The following UNC13C variants were observed in gnomAD, a reference collection of about 807,000 sequenced individuals.
UNC13C encodes the protein unc-13 homolog C, also known as protein unc-13 homolog C.
UNC13C carries 174 observed loss-of-function variants against 245.4 expected under a neutral mutation model. That is an observed-to-expected ratio of 0.71 (90% confidence interval 0.63 to 0.80). The LOEUF (loss-of-function observed/expected upper bound fraction) is 0.80. UNC13C is among the 30% of genes least tolerant of loss of function. UNC13C has a pLI of 0.00. For missense variants in UNC13C, 2,829 were observed against 2,602.9 expected (o/e 1.09, Z -1.89); for synonymous variants, 992 against 895.1 (o/e 1.11, Z -1.93).
intron 2 of UNC13C, among the ~76,000 whole-genome samples, chr15:54,132,074 C>CTTTTTTTTTCTTTTTCTTTTTCTTTCT: frequency 9.0e-6 from 1 of 110,646 alleles, no homozygotes; most frequent in Non-Finnish European, 2.0e-5. Context: ...TTTTCTTTTT[C>CTTTTTTTTTCTTTTTCTTTTTCTTTCT]TTTTTTTTTT....
intron 19 of UNC13C, among the ~76,000 whole-genome samples, chr15:54,482,784 A>G (rs970273180): frequency 2.8e-4 from 43 of 152,310 alleles, no homozygotes; most frequent in African/African-American, 1.0e-3. Flanking sequence ...CTAATGGGAA[A>G]AGCAGTGTAT....
intron 2 of UNC13C, among the ~76,000 whole-genome samples, chr15:54,086,737 C>CTTTTT (rs57209912): frequency 2.2e-5 from 2 of 92,008 alleles, no homozygotes; most frequent in Admixed American, 1.4e-4. Flanking sequence ...TATTTTCTTT[C>CTTTTT]TTTTTTTTTT....
At chr15:53,931,646 T>C in the UNC13C span, among the ~76,000 whole-genome samples, 1 of 152,146 alleles carries the variant, frequency 6.6e-6, no homozygotes, top group Non-Finnish European at 1.5e-5. Context: ...ATGCCTAGTC[T>C]AAGCTTTAAA....
At chr15:53,864,997 C>T in the UNC13C span, among the ~76,000 whole-genome samples, 19 of 152,230 alleles carry the variant, frequency 1.2e-4, no homozygotes, top group East Asian at 2.1e-3. Flanking sequence ...CTACCAACCT[C>T]AATTTGTTCA....
chr15:54,077,013 G>A (rs1358514487), intron 2 of UNC13C, among the ~76,000 whole-genome samples: 1 of 152,158 alleles, frequency 6.6e-6, no homozygotes, highest in Non-Finnish European at 1.5e-5. Context: ...GTATCTGAGA[G>A]ATGAGTAGCT....
intron 2 of UNC13C, among the ~76,000 whole-genome samples, chr15:54,115,527 T>C (rs2141183423): frequency 6.6e-6 from 1 of 152,228 alleles, no homozygotes; most frequent in South Asian, 2.1e-4. Context: ...TCGAGGTACA[T>C]ATTTTGGGGG....
intron 2 of UNC13C, among the ~76,000 whole-genome samples, chr15:54,031,812 A>G (rs1181787545): frequency 6.6e-6 from 1 of 152,248 alleles, no homozygotes; most frequent in Non-Finnish European, 1.5e-5. Context: ...AATTAAGCAT[A>G]ATTATAGTCA....
the UNC13C span, among the ~76,000 whole-genome samples, chr15:53,904,520 G>A: frequency 3.0e-4 from 46 of 152,148 alleles, no homozygotes; most frequent in Non-Finnish European, 5.6e-4. Flanking sequence ...GTTTGCCGAA[G>A]TAACTCTTTT....
chr15:54,337,154 AG>A (rs1162876121), intron 16 of UNC13C, among the ~76,000 whole-genome samples: 2 of 152,292 alleles, frequency 1.3e-5, no homozygotes, highest in Admixed American at 1.3e-4. Context: ...TTTTGGGAGC[AG>A]GGTGGGGGGT....
intron 11 of UNC13C, among the ~76,000 whole-genome samples, chr15:54,294,428 T>C (rs1468297605): frequency 6.6e-6 from 1 of 152,134 alleles, no homozygotes; most frequent in African/African-American, 2.4e-5. Flanking sequence ...TTCCTTCTTG[T>C]CCATTAATGA....
At chr15:54,208,188 GC>G (rs1419627070) in intron 4 of UNC13C, among the ~76,000 whole-genome samples, 1 of 151,986 alleles carries the variant, frequency 6.6e-6, no homozygotes, top group Non-Finnish European at 1.5e-5. Context: ...TAAACAACCA[GC>G]TCACATGAAC....
intron 2 of UNC13C, among the ~76,000 whole-genome samples, chr15:54,137,810 C>T (rs1016715368): frequency 2.0e-5 from 3 of 151,868 alleles, no homozygotes; most frequent in Non-Finnish European, 2.9e-5. Flanking sequence ...TCATTGTAGT[C>T]TCTATTTCAT....
chr15:54,129,356 C>T, intron 2 of UNC13C, among the ~76,000 whole-genome samples: 1 of 152,146 alleles, frequency 6.6e-6, no homozygotes, highest in East Asian at 1.9e-4. Context: ...ACTTTCTTTT[C>T]TGATTTCAGT....
intron 18 of UNC13C, among the ~76,000 whole-genome samples, chr15:54,397,023 A>T (rs2040084265): frequency 2.6e-5 from 4 of 151,320 alleles, no homozygotes; most frequent in African/African-American, 9.7e-5. Flanking sequence ...CGCATTTTTA[A>T]AAAAATTTTG....
At chr15:53,859,788 C>A in the UNC13C span, among the ~76,000 whole-genome samples, 1 of 152,158 alleles carries the variant, frequency 6.6e-6, no homozygotes, top group Non-Finnish European at 1.5e-5. Context: ...CTTGGCTCCA[C>A]GTCTCATTTC....
intron 2 of UNC13C, among the ~76,000 whole-genome samples, chr15:54,085,497 A>T (rs1469806060): frequency 6.6e-6 from 1 of 152,082 alleles, no homozygotes; most frequent in Admixed American, 6.6e-5. Context: ...CATAAAGGAG[A>T]CTCTGTATTG....
At chr15:53,943,882 G>GT in the UNC13C span, among the ~76,000 whole-genome samples, 2 of 151,980 alleles carry the variant, frequency 1.3e-5, no homozygotes, top group African/African-American at 4.8e-5. Context: ...TAAGTATCTG[G>GT]TAATTTTTTT....
At chr15:54,408,304 C>T (rs2040349898) in intron 18 of UNC13C, among the ~76,000 whole-genome samples, 2 of 145,066 alleles carry the variant, frequency 1.4e-5, no homozygotes, top group Non-Finnish European at 1.5e-5. Context: ...CTTTCCTAAT[C>T]TCTAACGTTA....
intron 19 of UNC13C, chr15:54,417,153 A>T: frequency 8.5e-6 from 3 of 352,860 alleles, no homozygotes; most frequent in South Asian, 6.4e-5. Context: ...TTTGTCTATG[A>T]CTTTTACCAA....
Sources: gnomAD v4.1 joint callset for allele counts (sites outside exome capture counted in the v4.1 genomes callset) on GRCh38, gnomAD v4.1.1 for gene constraint, MANE v1.5 for transcripts, NCBI Gene and HGNC (gene_info 2026-07-23, HGNC 2026-07-21) for gene names.